PTAR1: variants seen among roughly 807,000 people sequenced by gnomAD.
The protein encoded by PTAR1 is protein prenyltransferase alpha subunit repeat-containing protein 1.
Under a neutral mutation model 45.5 loss-of-function variants are expected in PTAR1, and 17 were observed. The ratio of observed to expected loss-of-function variants is 0.37; its 90% CI spans 0.26 to 0.56. The LOEUF is 0.56. Ranked by LOEUF, PTAR1 falls within the 20% of genes least tolerant of loss-of-function variation. The pLI, the probability that PTAR1 is intolerant of heterozygous loss-of-function variation, is 0.77. For synonymous variants in PTAR1, 169 were observed against 171.3 expected (o/e 0.99, Z 0.11); for missense variants, 391 against 476.3 (o/e 0.82, Z 1.67).
At chr9:69,721,886 G>A (rs1208685223) in intron 6 of PTAR1, among the ~76,000 whole-genome samples, 1 of 151,900 alleles carries the variant, frequency 6.6e-6, no homozygotes, top group Non-Finnish European at 1.5e-5. Flanking sequence ...ACTTTTATAT[G>A]TACTGGGAAA....
intron 3 of PTAR1, among the ~76,000 whole-genome samples, chr9:69,735,111 C>T (rs974203780): frequency 9.2e-5 from 14 of 152,140 alleles, no homozygotes; most frequent in African/African-American, 2.4e-4. Flanking sequence ...CCTTGATATA[C>T]GAGGCCATTC....
intron 1 of PTAR1, among the ~76,000 whole-genome samples, chr9:69,751,914 A>G (rs1320585071): frequency 6.6e-6 from 1 of 152,102 alleles, no homozygotes; most frequent in Non-Finnish European, 1.5e-5. Flanking sequence ...TATGTAGGGC[A>G]TTTGACTTAC....
intron 2 of PTAR1, among the ~76,000 whole-genome samples, chr9:69,747,605 G>A (rs1826331434): frequency 6.6e-6 from 1 of 152,188 alleles, no homozygotes; most frequent in African/African-American, 2.4e-5. Context: ...AGTGTCTCAA[G>A]AGCTTGAAAA....
At chr9:69,727,046 C>T (rs576473743) in intron 5 of PTAR1, among the ~76,000 whole-genome samples, 1 of 151,210 alleles carries the variant, frequency 6.6e-6, no homozygotes, top group African/African-American at 2.4e-5. Context: ...CACACACACA[C>T]ACACACGTAT....
At chr9:69,730,582 A>G (rs777077573) in intron 5 of PTAR1, among the ~76,000 whole-genome samples, 4 of 148,376 alleles carry the variant, frequency 2.7e-5, no homozygotes, top group African/African-American at 5.0e-5. Flanking sequence ...ATGCCTCCCA[A>G]CTCAATGTAT....
chr9:69,745,828 G>A (rs1257909393), intron 2 of PTAR1, among the ~76,000 whole-genome samples: 1 of 152,204 alleles, frequency 6.6e-6, no homozygotes, highest in East Asian at 1.9e-4. Context: ...CTGACATACA[G>A]TAAGGACTGA....
At chr9:69,753,086 T>C (rs540682806) in intron 1 of PTAR1, among the ~76,000 whole-genome samples, 15 of 152,236 alleles carry the variant, frequency 9.9e-5, no homozygotes, top group East Asian at 1.9e-4. Flanking sequence ...ATAACTGTTA[T>C]AGTAACAAGA....
chr9:69,754,530 A>ATTTTTTTTTTTTTTT (rs1588489795), intron 1 of PTAR1, among the ~76,000 whole-genome samples: 1 of 117,222 alleles, frequency 8.5e-6, no homozygotes, highest in African/African-American at 3.7e-5. Flanking sequence ...TTGGGTATAT[A>ATTTTTTTTTTTTTTT]TCTTTTTTTT....
chr9:69,738,987 T>TA (rs1356885601), intron 3 of PTAR1, among the ~76,000 whole-genome samples: 2 of 152,034 alleles, frequency 1.3e-5, no homozygotes, highest in East Asian at 3.9e-4. Context: ...TTTTGTATTT[T>TA]AGTAGAGATG....
chr9:69,737,446 C>G (rs1028310758), intron 3 of PTAR1, among the ~76,000 whole-genome samples: 2 of 152,160 alleles, frequency 1.3e-5, no homozygotes, highest in South Asian at 2.1e-4. Context: ...ACTGGAGATA[C>G]AATTTCCACT....
chr9:69,740,659 A>G (rs1280776164), intron 3 of PTAR1, among the ~76,000 whole-genome samples: 1 of 151,734 alleles, frequency 6.6e-6, no homozygotes, highest in Non-Finnish European at 1.5e-5. Flanking sequence ...AAGGGGAAAA[A>G]AAAAAAAAAA....
At chr9:69,719,307 C>G (rs1824876403) in intron 6 of PTAR1, among the ~76,000 whole-genome samples, 1 of 152,114 alleles carries the variant, frequency 6.6e-6, no homozygotes, top group African/African-American at 2.4e-5. Flanking sequence ...TTCCTGTTCT[C>G]CCTCCGAGGA....
At chr9:69,732,660 T>C (rs141806153) in intron 4 of PTAR1, among the ~76,000 whole-genome samples, 144 of 152,186 alleles carry the variant, frequency 9.5e-4, no homozygotes, top group African/African-American at 3.3e-3. Context: ...CCAGGAAATG[T>C]AAAGGCAATT....
At chr9:69,725,140 T>C (rs1343330075) in intron 5 of PTAR1, among the ~76,000 whole-genome samples, 1 of 152,210 alleles carries the variant, frequency 6.6e-6, no homozygotes, top group Non-Finnish European at 1.5e-5. Flanking sequence ...CTTTTTTATT[T>C]TGGCATGGCT....
chr9:69,732,349 T>C lies in PTAR1; in HGVS notation c.432A>G (p.Arg144=), dbSNP rs1470224282. The C allele has an allele frequency of 2.0e-5, 32 of 1,612,032 alleles. No homozygotes were observed. The highest frequency in any genetic ancestry group is 4.4e-5 in the South Asian group (4 of 91,050). Residue 144 remains arginine, a synonymous_variant, in exon 5 of 8, where the codon CGA becomes CGG. Transcript: ENST00000340434. ...PKSPETWIHR[R]WVLQQLIQET... Reference sequence around the variant, plus strand: ...CCTGAATTAGCTGTTGTAGCACCCATCGCCTGTTAAGGCAGCATGTGGGAA... The same window carrying C: ...CCTGAATTAGCTGTTGTAGCACCCACCGCCTGTTAAGGCAGCATGTGGGAA...
rs7859446 is a variant in PTAR1 at position 69,733,560 on chromosome 9, G to C, written c.428+590C>G. ...TGGCCAGGATTTTGAGAGTCCTAAAGTGCATTCTGGCTATCTGTCCCATGC... is the reference window on the plus strand; with the variant it reads ...TGGCCAGGATTTTGAGAGTCCTAAACTGCATTCTGGCTATCTGTCCCATGC... On this transcript the variant is annotated intron_variant, in intron 4 of 7. Coordinates refer to ENST00000340434, the MANE Select transcript of PTAR1 (RefSeq NM_001099666.2). Among the ~76,000 whole-genome samples, 739 of 152,234 alleles carry C rather than the reference G, an allele frequency of 4.9e-3. 7 individuals are homozygous for C. Among genetic ancestry groups the C allele is most frequent in the African/African-American group, 0.017 (706 of 41,540 alleles).
intron 4 of PTAR1, among the ~76,000 whole-genome samples, chr9:69,733,147 TA>T (rs1007801298): frequency 6.7e-6 from 1 of 149,308 alleles, no homozygotes; most frequent in African/African-American, 2.6e-5. Flanking sequence ...TATTGCTTGA[TA>T]AAAAAAATTA....
At position 69,714,333 on chromosome 9, in the gene PTAR1, G is replaced by A. The variant is rs59959569; in HGVS notation, c.*4009C>T. The A allele has an allele frequency of 1.6e-4, 24 of 150,900 alleles. No individual in the cohort carries two copies. Among genetic ancestry groups the A allele is most frequent in the African/African-American group, 5.1e-4 (21 of 41,226 alleles). The allele number at this position is 150,900 out of a possible 1,614,324, so 9.3% of individuals were successfully genotyped here. A position where few individuals can be genotyped will look rare whatever the true frequency, so the allele number is the denominator to read the frequency against. Reference sequence around the variant, plus strand: ...ATAGTTAGCTTAAAACAGCTTTTTAGAAAAAAAAAATCATGTTACTTCCCT... The same window carrying A: ...ATAGTTAGCTTAAAACAGCTTTTTAAAAAAAAAAAATCATGTTACTTCCCT... On this transcript the variant is annotated 3_prime_UTR_variant, in exon 8 of 8. Transcript: ENST00000340434.
chr9:69,714,694 A>G lies in PTAR1; in HGVS notation c.*3648T>C, dbSNP rs938844819. On this transcript the variant is annotated 3_prime_UTR_variant, in exon 8 of 8. Transcript: ENST00000340434. ...CTTATTTAAAAATTTAAGTACTTTT[A>G]GAGATAACCTGTATATATTTAACCC... The G allele has an allele frequency of 6.6e-6, 1 of 152,126 alleles. No homozygotes were observed. Among genetic ancestry groups the G allele is most frequent in the Admixed American group, 6.6e-5 (1 of 15,242 alleles). The allele number at this position is 152,126 out of a possible 1,614,324, so 9.4% of individuals were successfully genotyped here. A position where few individuals can be genotyped will look rare whatever the true frequency, so the allele number is the denominator to read the frequency against.
Sources: allele counts gnomAD v4.1 joint callset (sites outside exome capture counted in the v4.1 genomes callset), GRCh38; gene constraint gnomAD v4.1.1; transcripts MANE v1.5; gene names NCBI Gene and HGNC (gene_info 2026-07-23, HGNC 2026-07-21).